The following SH3BGRL2 variants were observed in gnomAD, a reference collection of about 807,000 sequenced individuals.
SH3BGRL2 encodes SH3 domain-binding glutamic acid-rich-like protein 2.
Under a neutral mutation model 14.8 loss-of-function variants are expected in SH3BGRL2, and 21 were observed. The observed-to-expected ratio is 1.42, with a 90% confidence interval of 1.01 to 2.05. The LOEUF (loss-of-function observed/expected upper bound fraction) is 2.05. SH3BGRL2 is among the 30% of genes most tolerant of loss of function. The pLI is 0.00. For missense variants in SH3BGRL2, 147 were observed against 130.8 expected (o/e 1.12, Z -0.61); for synonymous variants, 50 against 47.8 (o/e 1.05, Z -0.19).
rs985858865 is a variant in SH3BGRL2 at position 79,698,351 on chromosome 6, G to A, written c.313-1147G>A. ...TAATCTTCTATTTTTTACCTTGGTA[G>A]TGATTCATCATACAGTCTATAGTCT... On this transcript the variant is annotated intron_variant, in intron 3 of 3. Coordinates refer to ENST00000369838, the MANE Select transcript of SH3BGRL2 (RefSeq NM_031469.4). Among the ~76,000 whole-genome samples the A allele has an allele frequency of 7.2e-5, 11 of 152,324 alleles. 1 individual carries two copies. The highest frequency in any genetic ancestry group is 3.9e-4 in the Admixed American group (6 of 15,302).
At chr6:79,699,300 C>T (rs1333357317) in intron 3 of SH3BGRL2, among the ~76,000 whole-genome samples, 198 bp from the exon 4 acceptor site, 1 of 151,866 alleles carries the variant, frequency 6.6e-6, no homozygotes, top group Non-Finnish European at 1.5e-5. Flanking sequence ...TTTGGCAGGT[C>T]GGGTGGGTGT....
At chr6:79,603,367 A>T in the SH3BGRL2 span, among the ~76,000 whole-genome samples, 1 of 152,156 alleles carries the variant, frequency 6.6e-6, no homozygotes, top group Non-Finnish European at 1.5e-5. Context: ...TTTTTATTTG[A>T]TTTATAACGA....
At chr6:79,650,238 C>T (rs1769259957) in intron 1 of SH3BGRL2, among the ~76,000 whole-genome samples, 1 of 152,058 alleles carries the variant, frequency 6.6e-6, no homozygotes, top group Non-Finnish European at 1.5e-5. Context: ...CAAAAGTTCC[C>T]AGTGGCAGTT....
At chr6:79,648,931 C>T (rs1769223768) in intron 1 of SH3BGRL2, among the ~76,000 whole-genome samples, 1 of 152,032 alleles carries the variant, frequency 6.6e-6, no homozygotes, top group African/African-American at 2.4e-5. Flanking sequence ...GAATTCTATT[C>T]GATATCAGAA....
chr6:79,691,675 G>GTCCC (rs1770219887), intron 2 of SH3BGRL2, among the ~76,000 whole-genome samples: 1 of 150,944 alleles, frequency 6.6e-6, no homozygotes, highest in Non-Finnish European at 1.5e-5. Context: ...TCCCTACAAA[G>GTCCC]GACATGAACT....
At chr6:79,684,679 G>A (rs1770058129) in intron 2 of SH3BGRL2, among the ~76,000 whole-genome samples, 1 of 152,108 alleles carries the variant, frequency 6.6e-6, no homozygotes, top group Non-Finnish European at 1.5e-5. Context: ...AAAGTTCGAA[G>A]CCAGATTGTT....
At chr6:79,573,848 C>A in the SH3BGRL2 span, 1 of 151,938 alleles carries the variant, frequency 6.6e-6, no homozygotes, top group East Asian at 1.9e-4. Flanking sequence ...TCATTAGTTT[C>A]TTTTGGGTTT....
chr6:79,588,022 G>A, the SH3BGRL2 span, among the ~76,000 whole-genome samples: 3 of 151,538 alleles, frequency 2.0e-5, no homozygotes, highest in East Asian at 1.9e-4. Context: ...GGCCGGGTGC[G>A]GTGGCTCATG....
chr6:79,663,669 A>G (rs987086280), intron 1 of SH3BGRL2, among the ~76,000 whole-genome samples: 1 of 152,082 alleles, frequency 6.6e-6, no homozygotes, highest in South Asian at 2.1e-4. Context: ...GAGCTCAAAC[A>G]TCGTGCTTAG....
the SH3BGRL2 span, among the ~76,000 whole-genome samples, chr6:79,564,174 C>T: frequency 2.7e-5 from 4 of 149,558 alleles, no homozygotes; most frequent in African/African-American, 7.5e-5. Context: ...ATATATCTAA[C>T]GACTTGTGTA....
chr6:79,656,098 A>G (rs930520653), intron 1 of SH3BGRL2, among the ~76,000 whole-genome samples: 2 of 152,238 alleles, frequency 1.3e-5, no homozygotes, highest in Admixed American at 6.5e-5. Flanking sequence ...TTTTTAAAGA[A>G]ATTCATTTTA....
At chr6:79,655,581 C>A (rs940581144) in intron 1 of SH3BGRL2, among the ~76,000 whole-genome samples, 3 of 152,076 alleles carry the variant, frequency 2.0e-5, no homozygotes, top group African/African-American at 4.8e-5. Context: ...AGCAACGGGT[C>A]CCCAAGCCCC....
chr6:79,580,437 A>T, the SH3BGRL2 span, among the ~76,000 whole-genome samples: 1 of 152,182 alleles, frequency 6.6e-6, no homozygotes, highest in Admixed American at 6.5e-5. Context: ...ATCACAACAA[A>T]CTGTCTCTCA....
At chr6:79,554,457 C>G in the SH3BGRL2 span, among the ~76,000 whole-genome samples, 1 of 152,092 alleles carries the variant, frequency 6.6e-6, no homozygotes, top group Non-Finnish European at 1.5e-5. Flanking sequence ...GTTCTTGTTG[C>G]TGGAGTATTC....
At chr6:79,663,239 A>G (rs771868077) in intron 1 of SH3BGRL2, among the ~76,000 whole-genome samples, 9 of 151,942 alleles carry the variant, frequency 5.9e-5, no homozygotes, top group African/African-American at 9.7e-5. Context: ...TGGTTTTTAG[A>G]ATTTTCAGCT....
At chr6:79,641,178 G>A (rs1769027464) in intron 1 of SH3BGRL2, among the ~76,000 whole-genome samples, 1 of 150,618 alleles carries the variant, frequency 6.6e-6, no homozygotes, top group African/African-American at 2.5e-5. Flanking sequence ...GTGTGTGTGT[G>A]TGTGTGTGTG....
At chr6:79,554,989 G>T in the SH3BGRL2 span, among the ~76,000 whole-genome samples, 3 of 151,908 alleles carry the variant, frequency 2.0e-5, no homozygotes, top group Admixed American at 6.6e-5. Context: ...TAAAATAAAA[G>T]ATATTTTCTT....
At chr6:79,655,999 C>T (rs1280401807) in intron 1 of SH3BGRL2, among the ~76,000 whole-genome samples, 3 of 152,070 alleles carry the variant, frequency 2.0e-5, no homozygotes, top group East Asian at 1.9e-4. Flanking sequence ...TGCCTGGGCC[C>T]GGGTATGGAC....
chr6:79,627,979 A>C (rs1248379118), upstream of SH3BGRL2, among the ~76,000 whole-genome samples: 1 of 152,164 alleles, frequency 6.6e-6, no homozygotes, highest in Non-Finnish European at 1.5e-5. Context: ...AAATTTACCA[A>C]TTCCTTCAAT....
Sources: allele counts gnomAD v4.1 joint callset (sites outside exome capture counted in the v4.1 genomes callset), GRCh38; gene constraint gnomAD v4.1.1; transcripts MANE v1.5; gene names NCBI Gene and HGNC (gene_info 2026-07-23, HGNC 2026-07-21).